The following DNAH12 variants were observed in gnomAD, a reference collection of about 807,000 sequenced individuals.
The protein encoded by DNAH12 is dynein axonemal heavy chain 12.
Under a neutral mutation model 371.5 loss-of-function variants are expected in DNAH12, and 285 were observed. The ratio of observed to expected loss-of-function variants is 0.77; its 90% CI spans 0.70 to 0.85. DNAH12 has a LOEUF of 0.85. Among genes scored for constraint, DNAH12 ranks in the 40% least tolerant of loss-of-function variants. DNAH12 has a pLI of 0.00. For synonymous variants in DNAH12, 1,200 were observed against 1,213.0 expected (o/e 0.99, Z 0.22); for missense variants, 3,611 against 3,689.4 (o/e 0.98, Z 0.55).
chr3:57,477,973 A>G (rs908167310), intron 13 of DNAH12, among the ~76,000 whole-genome samples: 1 of 152,204 alleles, frequency 6.6e-6, no homozygotes, highest in Non-Finnish European at 1.5e-5. Context: ...AAAGATGGGG[A>G]AAAAACAGAG....
intron 34 of DNAH12, among the ~76,000 whole-genome samples, chr3:57,426,672 A>C (rs1242582863): frequency 6.6e-6 from 1 of 151,918 alleles, no homozygotes; most frequent in Non-Finnish European, 1.5e-5. Flanking sequence ...TCTACAAAAA[A>C]AAAAATATAC....
chr3:57,540,968 A>C (rs1381313705), intron 2 of DNAH12, among the ~76,000 whole-genome samples: 1 of 151,890 alleles, frequency 6.6e-6, no homozygotes, highest in Non-Finnish European at 1.5e-5. Flanking sequence ...TAATTCCTAG[A>C]GAACTCCCTT....
chr3:57,434,396 C>T (rs772150329), intron 30 of DNAH12, among the ~76,000 whole-genome samples: 1 of 152,152 alleles, frequency 6.6e-6, no homozygotes, highest in South Asian at 2.1e-4. Context: ...TGAGGTGGTG[C>T]TTACTCTAAC....
In DNAH12 at chr3:57,508,202, A is replaced by C. The variant is rs1206518829; in HGVS notation, c.701+180T>G. On this transcript the variant is annotated intron_variant, in intron 7 of 73. Transcript: ENST00000495027. ...ACTCCATCACGGGAAAAAAAAAACA[A>C]AAAAAAAAAAAACCAAAAAAAACCC... Among the ~76,000 whole-genome samples, 23 of 25,350 alleles carry C rather than the reference A, an allele frequency of 9.1e-4. 1 individual carries two copies. Among genetic ancestry groups the C allele is most frequent in the Middle Eastern group, 0.023 (1 of 44 alleles). The allele number at this position is 25,350 out of a possible 152,430, so 16.6% of individuals were successfully genotyped here.
chr3:57,305,049 T>C (rs184202150), intron 69 of DNAH12, among the ~76,000 whole-genome samples: 391 of 152,290 alleles, frequency 2.6e-3, no homozygotes, highest in African/African-American at 9.0e-3. Context: ...GCAATGCCGC[T>C]TGACCCCAAT....
chr3:57,314,225 G>A (rs116113073), intron 66 of DNAH12, among the ~76,000 whole-genome samples: 3,621 of 152,182 alleles, frequency 0.024, 65 homozygotes, highest in Admixed American at 0.035. Flanking sequence ...TGATGTTGCC[G>A]AATCAACCAA....
rs764615279 is a variant in DNAH12 at position 57,452,852 on chromosome 3, G to A, written c.3777C>T (p.Tyr1259=). ...TAATTTAAATGCATACCAATGTTCTGTAACACCTGTCAGTTAGAGGCGTAA... is the reference window on the plus strand; with the variant it reads ...TAATTTAAATGCATACCAATGTTCTATAACACCTGTCAGTTAGAGGCGTAA... ...LVITPLTDRC[Y]RTLIGAFYLN... The change falls in exon 25 of 74, where the codon TAC becomes TAT. Residue 1259 remains tyrosine (Y), a synonymous_variant. Coordinates refer to ENST00000495027, the MANE Select transcript of DNAH12 (RefSeq NM_001366028.2). The A allele has an allele frequency of 2.6e-6, 4 of 1,546,936 alleles. No homozygotes were observed. Among genetic ancestry groups the A allele is most frequent in the African/African-American group, 2.7e-5 (2 of 72,848 alleles).
At chr3:57,513,947 G>C (rs1434060244) in intron 4 of DNAH12, among the ~76,000 whole-genome samples, 1 of 152,128 alleles carries the variant, frequency 6.6e-6, no homozygotes, top group East Asian at 1.9e-4. Flanking sequence ...CAGTATGAAA[G>C]CATACATATA....
intron 44 of DNAH12, among the ~76,000 whole-genome samples, chr3:57,393,674 A>G (rs921000973): frequency 0.45 from 65,783 of 147,286 alleles, 15,909 homozygotes; most frequent in East Asian, 0.61. Context: ...AAGAAAAAGA[A>G]AAAGAAATGA....
chr3:57,445,131 T>C lies in DNAH12; in HGVS notation c.4425+43A>G, dbSNP rs1575608480. On this transcript the variant is annotated intron_variant, in intron 28 of 73. Coordinates refer to ENST00000495027, the MANE Select transcript of DNAH12 (RefSeq NM_001366028.2). ...TGATTAACCTCACTAAAGAAAATTATCTTTCTACTGAAACTTTCCCAATGT... is the reference window on the plus strand; with the variant it reads ...TGATTAACCTCACTAAAGAAAATTACCTTTCTACTGAAACTTTCCCAATGT... The C allele has an allele frequency of 5.4e-6, 8 of 1,478,688 alleles. No homozygotes were observed. The East Asian group carries it at 1.3e-4, about 23-fold the overall frequency. The allele number at this position is 1,478,688 out of a possible 1,614,324, so 91.6% of individuals were successfully genotyped here. A position where few individuals can be genotyped will look rare whatever the true frequency, so the allele number is the denominator to read the frequency against.
Position 57,357,193 on chromosome 3 carries a change from G to C in DNAH12, c.9516C>G (p.Ile3172Met), listed in dbSNP as rs1241411162. The C allele has an allele frequency of 2.6e-5, 4 of 152,128 alleles. No homozygotes were observed. Among genetic ancestry groups the C allele is most frequent in the Non-Finnish European group, 5.9e-5 (4 of 68,032 alleles). The allele number at this position is 152,128 out of a possible 1,614,324, so 9.4% of individuals were successfully genotyped here. A position where few individuals can be genotyped will look rare whatever the true frequency, so the allele number is the denominator to read the frequency against. The change falls in exon 59 of 74, where the codon ATC becomes ATG. Residue 3172 changes from isoleucine to methionine, a missense_variant. Ile to Met is a conservative substitution (Grantham distance 10). Coordinates refer to ENST00000495027, the MANE Select transcript of DNAH12 (RefSeq NM_001366028.2). ...ATGTTTACCTGTCATGAATAGAGTT[G>C]ATATAAAGGTTCACAAACCACGTGA... ...YSLTWFVNLY[I>M]NSIHDSNKSK...
chr3:57,392,531 A>C (rs1480892844), intron 44 of DNAH12, among the ~76,000 whole-genome samples: 1 of 152,146 alleles, frequency 6.6e-6, no homozygotes, highest in African/African-American at 2.4e-5. Context: ...GCAGTGAGCT[A>C]TGACTGCACC....
chr3:57,305,037 C>A (rs2061439220), intron 69 of DNAH12, among the ~76,000 whole-genome samples: 1 of 152,132 alleles, frequency 6.6e-6, no homozygotes, highest in Admixed American at 6.5e-5. Context: ...TCATTTTCTT[C>A]TGCAATGCCG....
chr3:57,455,188 G>A (rs978779667), intron 22 of DNAH12, among the ~76,000 whole-genome samples: 1 of 151,954 alleles, frequency 6.6e-6, no homozygotes, highest in African/African-American at 2.4e-5. Context: ...ATGTTCCTTT[G>A]CTGTGGAGAG....
rs1361214077 is a variant in DNAH12, at chr3:57,538,839, T to TAG, written c.170+3860_170+3861dup. 2.0e-5 allele frequency among the ~76,000 whole-genome samples: 3 copies of TAG among 152,362 alleles called. No homozygotes were observed. The East Asian group carries it at 5.8e-4, about 29-fold the overall frequency. The stretch of plus-strand genomic sequence containing the variant: ...CTCCCAAATTTTTACATCTCCAGCC[T>TAG]AGACTTCTTCTCTTATATATCCAAC... On this transcript the variant is annotated intron_variant, in intron 2 of 73. Coordinates refer to ENST00000495027, the MANE Select transcript of DNAH12 (RefSeq NM_001366028.2).
intron 40 of DNAH12, among the ~76,000 whole-genome samples, chr3:57,407,189 G>A (rs140569824): frequency 5.4e-5 from 8 of 149,252 alleles, no homozygotes; most frequent in East Asian, 4.1e-4. Flanking sequence ...GAGTCACTGC[G>A]CCCAGCCAAC....
At chr3:57,413,660 C>A in intron 39 of DNAH12, 86 bp downstream of exon 39, 1 of 1,378,074 alleles carries the variant, frequency 7.3e-7, no homozygotes, top group South Asian at 1.5e-5. Flanking sequence ...CCCTAAATAT[C>A]TTGAAAAATG....
intron 11 of DNAH12, among the ~76,000 whole-genome samples, chr3:57,496,277 G>T (rs2067318412): frequency 1.3e-5 from 2 of 152,010 alleles, no homozygotes; most frequent in African/African-American, 4.8e-5. Flanking sequence ...CTGACCCACA[G>T]ATACTATGAG....
chr3:57,528,469 T>C (rs943166107), intron 2 of DNAH12, among the ~76,000 whole-genome samples: 3 of 151,054 alleles, frequency 2.0e-5, no homozygotes, highest in Non-Finnish European at 4.4e-5. Flanking sequence ...CTCACGCCTA[T>C]AATCCCAGCC....
Sources: gnomAD v4.1 joint callset for allele counts (sites outside exome capture counted in the v4.1 genomes callset) on GRCh38, gnomAD v4.1.1 for gene constraint, MANE v1.5 for transcripts, NCBI Gene and HGNC (gene_info 2026-07-23, HGNC 2026-07-21) for gene names.